FAM9A: variants seen among roughly 807,000 people sequenced by gnomAD.
The protein encoded by FAM9A is family with sequence similarity 9 member A, also known as protein FAM9A.
FAM9A carries 49 observed loss-of-function variants against 25.0 expected under a neutral mutation model. That is an observed-to-expected ratio of 1.96 (90% CI 1.56 to 2.48). The LOEUF (loss-of-function observed/expected upper bound fraction) is 2.48, where lower values mean the gene tolerates loss of function less well. FAM9A is among the 30% of genes most tolerant of loss of function. The pLI, the probability that FAM9A is intolerant of heterozygous loss-of-function variation, is 0.00. For missense variants in FAM9A, 266 were observed against 249.3 expected (o/e 1.07, Z -0.45); for synonymous variants, 80 against 85.1 (o/e 0.94, Z 0.33).
chrX:8,798,254 T>G, intron 4 of FAM9A, 73 bp from the exon 5 acceptor site: 1 of 1,200,105 alleles, frequency 8.3e-7, no homozygotes, highest in Non-Finnish European at 1.1e-6. Context: ...AAGATATGTC[T>G]TATGTGAAAT....
intron 8 of FAM9A, among the ~76,000 whole-genome samples, chrX:8,791,594 T>C (rs1487157231): frequency 1.8e-5 from 2 of 110,806 alleles, no homozygotes; most frequent in Non-Finnish European, 3.8e-5. Flanking sequence ...TTTTAGCAGG[T>C]CCAATTGTCA....
Position 8,791,025 on chromosome X carries a change from G to A in FAM9A, c.*179C>T, listed in dbSNP as rs1602067171. The A allele has an allele frequency of 8.3e-6, 2 of 239,663 alleles. No individual in the cohort carries two copies. The highest frequency in any genetic ancestry group is 7.4e-5 in the East Asian group (1 of 13,566). 19.8% of individuals were successfully genotyped at this position (239,663 alleles called of 1,213,427 possible). A position where few individuals can be genotyped will look rare whatever the true frequency, so the allele number is the denominator to read the frequency against. On this transcript the variant is annotated 3_prime_UTR_variant, in exon 10 of 10. Transcript: ENST00000381003. ...AGACAAGTGACAGAGGAGCTATACC[G>A]ATTTATACAACAATTATCAAAACAC... is the stretch of plus-strand genomic sequence containing the variant.
chrX:8,796,476 T>C (rs1933535442), intron 5 of FAM9A, 94 bp from the exon 6 acceptor site: 1 of 535,443 alleles, frequency 1.9e-6, no homozygotes, highest in Admixed American at 3.7e-5. Context: ...GGTTCAGCAA[T>C]ATCGGAAGGA....
Position 8,799,215 on chromosome X carries a change from C to G in FAM9A, c.92-121G>C, listed in dbSNP as rs984286118. On this transcript the variant is annotated intron_variant, in intron 2 of 9. Transcript: ENST00000381003. ...GCCCACCCCGTGTATCCTGTGGGAG[C>G]AGGAGGGGATGGAGAAGATGCCAGT... 24 of 954,272 alleles carry G rather than the reference C, an allele frequency of 2.5e-5. No homozygotes were observed. In the African/African-American group the frequency reaches 3.5e-4, roughly 14 times the overall value. 78.6% of individuals were successfully genotyped at this position (954,272 alleles called of 1,213,427 possible).
intron 5 of FAM9A, 43 bp from the exon 6 acceptor site, chrX:8,796,425 G>T: frequency 1.1e-6 from 1 of 924,531 alleles, no homozygotes; most frequent in Non-Finnish European, 1.5e-6. Flanking sequence ...ATGTTGAAAA[G>T]TGGTTTCTTC....
chrX:8,800,452 C>T (rs1206025461), intron 1 of FAM9A, among the ~76,000 whole-genome samples: 4 of 110,584 alleles, frequency 3.6e-5, no homozygotes, highest in Non-Finnish European at 5.7e-5. Context: ...CTGCAGGATC[C>T]TTGCGGTGTC....
intron 6 of FAM9A, among the ~76,000 whole-genome samples, chrX:8,795,669 T>C (rs1331415749): frequency 8.9e-6 from 1 of 111,820 alleles, no homozygotes; most frequent in Non-Finnish European, 1.9e-5. Context: ...TTTACTGCAC[T>C]ATAAATTTCC....
rs190790376 is a variant in FAM9A at position 8,796,227 on chromosome X, A to G, written c.488+41T>C. The G allele has an allele frequency of 9.9e-6, 10 of 1,006,437 alleles. No individual in the cohort carries two copies. In the East Asian group the frequency reaches 2.9e-4, roughly 29 times the overall value. 82.9% of individuals were successfully genotyped at this position (1,006,437 alleles called of 1,213,427 possible). A position where few individuals can be genotyped will look rare whatever the true frequency, so the allele number is the denominator to read the frequency against. On this transcript the variant is annotated intron_variant, in intron 6 of 9. Coordinates refer to ENST00000381003, the MANE Select transcript of FAM9A (RefSeq NM_174951.3). The stretch of plus-strand genomic sequence containing the variant: ...TATTTGCACCAACAAATACAAAGAA[A>G]TGATATAAATATCATTATGCAAAAA...
At chrX:8,791,202 G>A (rs372582389) in intron 9 of FAM9A, 30 bp from the exon 10 acceptor site, 9 of 730,372 alleles carry the variant, frequency 1.2e-5, no homozygotes, top group South Asian at 7.6e-5. Flanking sequence ...AAGTAACTGT[G>A]ATACACATTT....
chrX:8,795,161 C>A lies in FAM9A; in HGVS notation c.748G>T (p.Glu250Ter), dbSNP rs1436886133. ...GEEEGGGEEG[E>*]EGGGGGEGEE... ...CCTTCTCCTCCTCCTCCTCCTTCTTCTCCTTCTTCTCCTCCTCCTTCTTCT... is the reference window on the plus strand; with the variant it reads ...CCTTCTCCTCCTCCTCCTCCTTCTTATCCTTCTTCTCCTCCTCCTTCTTCT... The change falls in exon 7 of 10, where the codon GAA becomes TAA. Residue 250 changes from glutamate to a stop codon, truncating the protein, a stop_gained. Coordinates refer to ENST00000381003, the MANE Select transcript of FAM9A (RefSeq NM_174951.3). LOFTEE classifies it high-confidence loss of function. 2.0e-5 allele frequency: 21 copies of A among 1,034,140 alleles called. No homozygotes were observed. Among genetic ancestry groups the A allele is most frequent in the Non-Finnish European group, 2.6e-5 (20 of 758,232 alleles). 85.2% of individuals were successfully genotyped at this position (1,034,140 alleles called of 1,213,427 possible).
At chrX:8,793,333 GTC>G (rs899410669) in intron 8 of FAM9A, among the ~76,000 whole-genome samples, 1 of 111,940 alleles carries the variant, frequency 8.9e-6, no homozygotes, top group Non-Finnish European at 1.9e-5. Context: ...CATAGCCAAG[GTC>G]TGTTTCTTCA....
intron 8 of FAM9A, among the ~76,000 whole-genome samples, chrX:8,793,385 T>C (rs1299494542): frequency 8.9e-6 from 1 of 112,128 alleles, no homozygotes; most frequent in Non-Finnish European, 1.9e-5. Flanking sequence ...AATGTGTCAA[T>C]GCGTTAACAA....
intron 8 of FAM9A, among the ~76,000 whole-genome samples, chrX:8,792,574 A>G (rs761577581): frequency 1.8e-5 from 2 of 112,015 alleles, no homozygotes; most frequent in Non-Finnish European, 3.8e-5. Flanking sequence ...ATGTAGCATT[A>G]ACATTGACAG....
chrX:8,801,276 C>A (rs1007066582), intron 1 of FAM9A, 35 bp downstream of exon 1: 2 of 110,012 alleles, frequency 1.8e-5, no homozygotes, highest in Admixed American at 1.9e-4. Flanking sequence ...GGGCCGCATG[C>A]TCGACTTCCT....
intron 3 of FAM9A, among the ~76,000 whole-genome samples, 184 bp downstream of exon 3, chrX:8,798,782 C>T (rs1394681865): frequency 1.8e-5 from 2 of 112,997 alleles, no homozygotes; most frequent in Non-Finnish European, 3.8e-5. Context: ...GAGCCTCCCA[C>T]GGGAAGCCTA....
At position 8,791,350 on chromosome X, in the gene FAM9A, G is replaced by A. The variant is rs1328485671; in HGVS notation, c.960C>T (p.Cys320=). 4.2e-6 allele frequency: 5 copies of A among 1,204,701 alleles called. No individual in the cohort carries two copies. The highest frequency in any genetic ancestry group is 2.3e-4 in the Middle Eastern group (1 of 4,343). Residue 320 remains cysteine (C), a synonymous_variant, in exon 9 of 10, where the codon TGC becomes TGT. Coordinates refer to ENST00000381003, the MANE Select transcript of FAM9A (RefSeq NM_174951.3). ...KAAKDTKDNY[C]IISSSEESEL... is the part of the protein sequence containing the mutation. ...CACTTTCTTCACTGGAAGAAATGATGCAATAATTGTCTTTAGTGTCCTTGG... is the reference window on the plus strand; with the variant it reads ...CACTTTCTTCACTGGAAGAAATGATACAATAATTGTCTTTAGTGTCCTTGG...
intron 6 of FAM9A, 27 bp downstream of exon 6, chrX:8,796,241 A>G: frequency 9.5e-7 from 1 of 1,047,578 alleles, no homozygotes; most frequent in Non-Finnish European, 1.3e-6. Flanking sequence ...TATAAATATC[A>G]TTATGCAAAA....
At chrX:8,799,245 C>T in intron 2 of FAM9A, 151 bp from the exon 3 acceptor site, 2 of 796,635 alleles carry the variant, frequency 2.5e-6, no homozygotes, top group Non-Finnish European at 3.5e-6. Context: ...GCCAGTGTCC[C>T]CTCCTATCCT....
chrX:8,794,886 C>A (rs1158657666), intron 7 of FAM9A, among the ~76,000 whole-genome samples, 192 bp downstream of exon 7: 1 of 111,959 alleles, frequency 8.9e-6, no homozygotes, highest in African/African-American at 3.3e-5. Context: ...ACTTCTTTAT[C>A]GCTATGATGC....
Sources: gnomAD v4.1 joint callset for allele counts (sites outside exome capture counted in the v4.1 genomes callset) on GRCh38, gnomAD v4.1.1 for gene constraint, MANE v1.5 for transcripts, NCBI Gene and HGNC (gene_info 2026-07-23, HGNC 2026-07-21) for gene names.